Variants in ORC1 observed in about 807,000 individuals in gnomAD.
The protein encoded by ORC1 is origin recognition complex, subunit 1 homolog.
A neutral mutation model predicts 98.9 loss-of-function variants in ORC1; 61 were observed. That is an observed-to-expected ratio of 0.62 (90% CI 0.50 to 0.76). The LOEUF (loss-of-function observed/expected upper bound fraction) is 0.76, where lower values mean the gene tolerates loss of function less well. Among genes scored for constraint, ORC1 ranks in the 30% least tolerant of loss-of-function variants. The pLI, the probability that ORC1 is intolerant of heterozygous loss-of-function variation, is 0.00. For synonymous variants in ORC1, 385 were observed against 406.9 expected (o/e 0.95, Z 0.65); for missense variants, 979 against 1,072.2 (o/e 0.91, Z 1.21).
At chr1:52,404,438 C>G (rs1315695321), upstream of ORC1, 1 of 242,546 alleles carries the variant, frequency 4.1e-6, no homozygotes, top group Non-Finnish European at 8.2e-6. Flanking sequence ...AAGAAAACTT[C>G]GCGCCAATCG....
intron 13 of ORC1, 22 bp downstream of exon 13, chr1:52,383,398 T>A: frequency 6.2e-7 from 1 of 1,612,076 alleles, no homozygotes; most frequent in Non-Finnish European, 8.5e-7. Flanking sequence ...AAGAACAGCA[T>A]GGGAACTGCC....
At chr1:52,377,580 C>T (rs1311633146) in intron 14 of ORC1, among the ~76,000 whole-genome samples, 2 of 151,744 alleles carry the variant, frequency 1.3e-5, no homozygotes, top group Non-Finnish European at 1.5e-5. Context: ...CAGACACTCT[C>T]GAGTTTTTAC....
chr1:52,403,344 TTAAG>T (rs1305351632), intron 1 of ORC1, among the ~76,000 whole-genome samples: 2 of 152,252 alleles, frequency 1.3e-5, no homozygotes, highest in African/African-American at 4.8e-5. Context: ...GTTTTATTTA[TTAAG>T]TATCATTTGA....
At chr1:52,384,181 T>C (rs1647110688) in intron 11 of ORC1, among the ~76,000 whole-genome samples, 1 of 152,180 alleles carries the variant, frequency 6.6e-6, no homozygotes, top group Non-Finnish European at 1.5e-5. Context: ...CCCCTTAAAA[T>C]CACTATTACA....
At chr1:52,395,252 C>T (rs1423745797) in intron 5 of ORC1, among the ~76,000 whole-genome samples, 1 of 151,588 alleles carries the variant, frequency 6.6e-6, no homozygotes, top group South Asian at 2.1e-4. Flanking sequence ...GGTAAGAAAA[C>T]GAAAAATAAA....
chr1:52,377,616 G>C (rs1386398315), intron 14 of ORC1, among the ~76,000 whole-genome samples: 3 of 149,126 alleles, frequency 2.0e-5, no homozygotes, highest in Non-Finnish European at 4.4e-5. Flanking sequence ...CTTGGATTTG[G>C]AGCCCAAATT....
chr1:52,380,003 G>C (rs1057407416), intron 14 of ORC1, among the ~76,000 whole-genome samples: 1 of 152,156 alleles, frequency 6.6e-6, no homozygotes, highest in African/African-American at 2.4e-5. Context: ...CTGGTCCTAG[G>C]AATGCTAGGC....
chr1:52,392,268 C>A (rs533977066), intron 6 of ORC1, among the ~76,000 whole-genome samples: 2 of 151,914 alleles, frequency 1.3e-5, no homozygotes, highest in African/African-American at 4.8e-5. Flanking sequence ...TAGCTGGGAC[C>A]ACAGGCGCCC....
At chr1:52,385,363 T>C in intron 9 of ORC1, 101 bp from the exon 10 acceptor site, 1 of 861,706 alleles carries the variant, frequency 1.2e-6, no homozygotes, top group Non-Finnish European at 2.0e-6. Context: ...CTTGTCTATG[T>C]TTCTACCTGA....
intron 8 of ORC1, among the ~76,000 whole-genome samples, chr1:52,388,076 G>C (rs1333965199): frequency 6.6e-6 from 1 of 152,136 alleles, no homozygotes; most frequent in Non-Finnish European, 1.5e-5. Context: ...GGTGTATCAA[G>C]TGGGACAACA....
chr1:52,399,383 G>T (rs1161567276), intron 3 of ORC1, among the ~76,000 whole-genome samples: 1 of 152,114 alleles, frequency 6.6e-6, no homozygotes, highest in Non-Finnish European at 1.5e-5. Context: ...CCAGCACTTT[G>T]GGAGGCTGAG....
At chr1:52,397,946 G>T in intron 3 of ORC1, 83 bp from the exon 4 acceptor site, 3 of 1,281,738 alleles carry the variant, frequency 2.3e-6, no homozygotes, top group Non-Finnish European at 3.4e-6. Flanking sequence ...CAGACACTGT[G>T]CTTAACCCTT....
At chr1:52,392,130 AAC>A (rs1647223891) in intron 6 of ORC1, among the ~76,000 whole-genome samples, 2 of 151,772 alleles carry the variant, frequency 1.3e-5, no homozygotes, top group Admixed American at 1.3e-4. Flanking sequence ...GTGAAAAGGG[AAC>A]ACTTCTTTTT....
intron 3 of ORC1, 71 bp downstream of exon 3, chr1:52,401,291 G>C: frequency 1.9e-6 from 3 of 1,588,400 alleles, no homozygotes; most frequent in Non-Finnish European, 2.6e-6. Flanking sequence ...GTGAACAAAA[G>C]AATCCACAAT....
At chr1:52,389,399 G>C in intron 6 of ORC1, 78 bp from the exon 7 acceptor site, 1 of 978,562 alleles carries the variant, frequency 1.0e-6, no homozygotes, top group South Asian at 1.3e-5. Flanking sequence ...AGATAGTCAA[G>C]TGGCCTGATT....
intron 14 of ORC1, among the ~76,000 whole-genome samples, chr1:52,377,931 T>C (rs901490931): frequency 3.3e-5 from 5 of 152,104 alleles, no homozygotes; most frequent in African/African-American, 1.2e-4. Context: ...CTATAGGATA[T>C]AGAATATAAA....
rs868538781 is a variant in ORC1 at position 52,401,627 on chromosome 1, G to A, written c.96-138C>T. The A allele has an allele frequency of 1.8e-5, 18 of 1,014,120 alleles. 1 individual carries two copies. The Middle Eastern group carries it at 1.0e-3, about 59-fold the overall frequency. 62.8% of individuals were successfully genotyped at this position (1,014,120 alleles called of 1,614,324 possible). A position where few individuals can be genotyped will look rare whatever the true frequency, so the allele number is the denominator to read the frequency against. On this transcript the variant is annotated intron_variant, in intron 2 of 16. Transcript: ENST00000371568. ...AACTCTCCTACTGGGAAACCAATTC[G>A]CCCAGTTATATTTAAGAATAGGCAA...
At chr1:52,399,369 A>G (rs1647581721) in intron 3 of ORC1, among the ~76,000 whole-genome samples, 1 of 152,142 alleles carries the variant, frequency 6.6e-6, no homozygotes, top group Non-Finnish European at 1.5e-5. Flanking sequence ...TCACGCCTGT[A>G]ATCCCAGCAC....
chr1:52,376,827 G>T (rs946286773), intron 14 of ORC1, among the ~76,000 whole-genome samples: 1 of 152,074 alleles, frequency 6.6e-6, no homozygotes, highest in African/African-American at 2.4e-5. Context: ...TGGGACAAGG[G>T]AGACACAAGA....
Sources: gnomAD v4.1 joint callset for allele counts (sites outside exome capture counted in the v4.1 genomes callset) on GRCh38, gnomAD v4.1.1 for gene constraint, MANE v1.5 for transcripts, NCBI Gene and HGNC (gene_info 2026-07-23, HGNC 2026-07-21) for gene names.